RNF186: variants seen among roughly 807,000 people sequenced by gnomAD.
The protein encoded by RNF186 is ring finger protein 186, also known as E3 ubiquitin-protein ligase RNF186.
For missense variants in RNF186, 298 were observed against 298.5 expected, an observed-to-expected ratio of 1.00 and a Z score of 0.01; for synonymous variants, 152 against 133.5, an observed-to-expected ratio of 1.14 and a Z score of -0.96.
In RNF186 at chr1:19,815,063, G is replaced by A. The variant is rs147586351; in HGVS notation, c.39C>T (p.Ile13=). The A allele has an allele frequency of 1.9e-6, 3 of 1,613,966 alleles. No individual in the cohort carries two copies. The highest frequency in any genetic ancestry group is 2.2e-5 in the South Asian group (2 of 91,080). ...CTKTLQQSQP[I]SAGATTTTTA... ...TGGTGGTTGTGGTGGCTCCTGCGGA[G>A]ATGGGCTGGGACTGTTGCAGGGTCT... Residue 13 remains isoleucine, a synonymous_variant, in exon 1 of 1, where the codon ATC becomes ATT. Coordinates refer to ENST00000375121, the MANE Select transcript of RNF186 (RefSeq NM_019062.2).
chr1:19,814,349 C>G lies in RNF186; in HGVS notation c.*69G>C. The G allele has an allele frequency of 1.4e-6, 2 of 1,430,534 alleles. No individual in the cohort carries two copies. Among genetic ancestry groups the G allele is most frequent in the Non-Finnish European group, 1.9e-6 (2 of 1,041,538 alleles). The allele number at this position is 1,430,534 out of a possible 1,614,324, so 88.6% of individuals were successfully genotyped here. On this transcript the variant is annotated 3_prime_UTR_variant, in exon 1 of 1. Transcript: ENST00000375121. This position sits in a 1 kb window ranked among gnomAD's most constrained non-coding sequence, Gnocchi z 4.7. Reference sequence around the variant, plus strand: ...CAGTCTTAGTCCGTAACCCCTTACCCTGTTCATTGTGGAAGTCCGGGGGCC... The same window carrying G: ...CAGTCTTAGTCCGTAACCCCTTACCGTGTTCATTGTGGAAGTCCGGGGGCC...
At position 19,815,169 on chromosome 1, in the gene RNF186, C is replaced by T. The variant is rs886090995; in HGVS notation, c.-68G>A. On this transcript the variant is annotated 5_prime_UTR_variant, in exon 1 of 1. Transcript: ENST00000375121. ...GGCATTGGCAGAGAGTGTCAGCTGG[C>T]GCCGCTGGGACTTGGATGGAATCTG... The T allele has an allele frequency of 1.6e-4, 221 of 1,421,684 alleles. No homozygotes were observed. The highest frequency in any genetic ancestry group is 4.9e-4 in the African/African-American group (35 of 71,086). 88.1% of individuals were successfully genotyped at this position (1,421,684 alleles called of 1,614,324 possible).
chr1:19,814,401 G>C lies in RNF186; in HGVS notation c.*17C>G. Reference sequence around the variant, plus strand: ...AAGGGCAGAAAGGGCTGCAGGGATAGCCTCATCAGAGGGCACTCAGGCAAT... The same window carrying C: ...AAGGGCAGAAAGGGCTGCAGGGATACCCTCATCAGAGGGCACTCAGGCAAT... On this transcript the variant is annotated 3_prime_UTR_variant, in exon 1 of 1. Transcript: ENST00000375121. This position sits in a 1 kb window ranked among gnomAD's most constrained non-coding sequence, Gnocchi z 4.7. 1 of 1,609,296 alleles carries C rather than the reference G, an allele frequency of 6.2e-7. No homozygotes were observed. Among genetic ancestry groups the C allele is most frequent in the East Asian group, 2.2e-5 (1 of 44,822 alleles).
In RNF186 at chr1:19,814,243, C is replaced by T. The variant is rs925905663; in HGVS notation, c.*175G>A. ...CAAGGGCAAGTGCAAGCCTGTCATCCAAGCGTGTAATTCTTGACCCAGGCT... is the reference window on the plus strand; with the variant it reads ...CAAGGGCAAGTGCAAGCCTGTCATCTAAGCGTGTAATTCTTGACCCAGGCT... On this transcript the variant is annotated 3_prime_UTR_variant, in exon 1 of 1. Coordinates refer to ENST00000375121, the MANE Select transcript of RNF186 (RefSeq NM_019062.2). The surrounding 1 kb of genome is among the most constrained non-coding windows in gnomAD (Gnocchi z 4.7). 6 of 624,758 alleles carry T rather than the reference C, an allele frequency of 9.6e-6. No individual in the cohort carries two copies. Among genetic ancestry groups the T allele is most frequent in the Admixed American group, 3.0e-5 (1 of 33,730 alleles). 38.7% of individuals were successfully genotyped at this position (624,758 alleles called of 1,614,324 possible).
Position 19,814,641 on chromosome 1 carries a change from C to A in RNF186, c.461G>T (p.Arg154Leu). The change falls in exon 1 of 1, where the codon CGC becomes CTC. Residue 154 changes from arginine to leucine, a missense_variant. Arg to Leu is a moderately radical substitution (Grantham distance 102). Coordinates refer to ENST00000375121, the MANE Select transcript of RNF186 (RefSeq NM_019062.2). The surrounding 1 kb of genome is among the most constrained non-coding windows in gnomAD (Gnocchi z 4.7). ...EVSANHVAAR[R>L]LAAHLLLLAL... ...CAGCAGGAGTAGGTGCGCGGCCAGG[C>A]GCCGGGCTGCCACGTGGTTTGCACT... 1 of 1,614,184 alleles carries A rather than the reference C, an allele frequency of 6.2e-7. No homozygotes were observed. The highest frequency in any genetic ancestry group is 1.3e-5 in the African/African-American group (1 of 75,052).
chr1:19,815,258 G>T lies in RNF186; in HGVS notation c.-157C>A. The T allele has an allele frequency of 1.6e-6, 1 of 635,984 alleles. No homozygotes were observed. The highest frequency in any genetic ancestry group is 2.8e-6 in the Non-Finnish European group (1 of 356,860). The allele number at this position is 635,984 out of a possible 1,614,324, so 39.4% of individuals were successfully genotyped here. A position where few individuals can be genotyped will look rare whatever the true frequency, so the allele number is the denominator to read the frequency against. On this transcript the variant is annotated 5_prime_UTR_variant, in exon 1 of 1. In the 5' UTR this introduces an upstream ATG that the reference lacks. Coordinates refer to ENST00000375121, the MANE Select transcript of RNF186 (RefSeq NM_019062.2). ...AGCTGTCTGACACTCCTCTCTCCCA[G>T]AGCTGCCCAGCTTGTTTCTTGGCTT...
Position 19,814,668 on chromosome 1 carries a change from A to G in RNF186, c.434T>C (p.Val145Ala), listed in dbSNP as rs1301472899. Residue 145 changes from valine to alanine, a missense_variant, in exon 1 of 1, where the codon GTA (valine) becomes GCA (alanine). Transcript: ENST00000375121. The surrounding 1 kb of genome is among the most constrained non-coding windows in gnomAD (Gnocchi z 4.7). ...CCGGGCTGCCACGTGGTTTGCACTT[A>G]CTTCATCCTGTCCATCCTCTCCCAC... ...SLVGEDGQDEVSANHVAARRL... is the reference protein window; with the variant it reads ...SLVGEDGQDEASANHVAARRL... 6.2e-7 allele frequency: 1 copy of G among 1,614,024 alleles called. No homozygotes were observed. Among genetic ancestry groups the G allele is most frequent in the African/African-American group, 1.3e-5 (1 of 74,918 alleles).
In RNF186 at chr1:19,814,802, G is replaced by T. The variant is rs201262383; in HGVS notation, c.300C>A (p.Arg100=). The change falls in exon 1 of 1, where the codon CGC becomes CGA. Residue 100 remains arginine, a synonymous_variant. Coordinates refer to ENST00000375121, the MANE Select transcript of RNF186 (RefSeq NM_019062.2). The surrounding 1 kb of genome is among the most constrained non-coding windows in gnomAD (Gnocchi z 4.7). ...AVPGGLICSL[R]DHEAVVGQLA... Reference sequence around the variant, plus strand: ...GCTGCCCCACCACCGCCTCATGGTCGCGCAGGCTGCAGATGAGGCCCCCGG... The same window carrying T: ...GCTGCCCCACCACCGCCTCATGGTCTCGCAGGCTGCAGATGAGGCCCCCGG... 1.5e-5 allele frequency: 25 copies of T among 1,613,848 alleles called. No individual in the cohort carries two copies. Among genetic ancestry groups the T allele is most frequent in the Non-Finnish European group, 1.9e-5 (22 of 1,180,024 alleles).
At position 19,814,098 on chromosome 1, in the gene RNF186, G is replaced by C. The variant is rs1557653333; in HGVS notation, c.*320C>G. ...ATCAATACTGCAATACTTTCATCAA[G>C]TTATATAAAGAAAAACCAAGAACAT... On this transcript the variant is annotated 3_prime_UTR_variant, in exon 1 of 1. Transcript: ENST00000375121. This position sits in a 1 kb window ranked among gnomAD's most constrained non-coding sequence, Gnocchi z 4.7. 3.4e-6 allele frequency: 1 copy of C among 298,496 alleles called. No homozygotes were observed. The highest frequency in any genetic ancestry group is 4.7e-5 in the Admixed American group (1 of 21,426). The allele number at this position is 298,496 out of a possible 1,614,324, so 18.5% of individuals were successfully genotyped here.
chr1:19,814,973 G>A lies in RNF186; in HGVS notation c.129C>T (p.Cys43=). 1.2e-6 allele frequency: 2 copies of A among 1,613,962 alleles called. No individual in the cohort carries two copies. The highest frequency in any genetic ancestry group is 1.7e-6 in the Non-Finnish European group (2 of 1,180,034). ...ACCGGGGACAGCTGTAGGGCTCCCG[G>A]CACACCAGACACTCCAGGTCACATT... The part of the protein sequence containing the change: ...STECDLECLV[C]REPYSCPRLP... Residue 43 remains cysteine, a synonymous_variant, in exon 1 of 1, where the codon TGC becomes TGT. Coordinates refer to ENST00000375121, the MANE Select transcript of RNF186 (RefSeq NM_019062.2). The surrounding 1 kb of genome is among the most constrained non-coding windows in gnomAD (Gnocchi z 4.7).
chr1:19,814,717 A>C lies in RNF186; in HGVS notation c.385T>G (p.Leu129Val), dbSNP rs1341423626. The C allele has an allele frequency of 3.1e-6, 5 of 1,614,016 alleles. No individual in the cohort carries two copies. Among genetic ancestry groups the C allele is most frequent in the Non-Finnish European group, 8.5e-7 (1 of 1,180,014 alleles). Reference protein sequence around the residue: ...CPQGLVDPADLAAGHPSLVGE... With the variant: ...CPQGLVDPADVAAGHPSLVGE... ...ACCAAGCTGGGGTGTCCTGCTGCCA[A>C]GTCAGCAGGATCCACCAGCCCCTGA... is the stretch of plus-strand genomic sequence containing the variant. The change falls in exon 1 of 1, where the codon TTG becomes GTG. Residue 129 changes from leucine to valine, a missense_variant. Transcript: ENST00000375121. The surrounding 1 kb of genome is among the most constrained non-coding windows in gnomAD (Gnocchi z 4.7).
chr1:19,814,280 T>C lies in RNF186; in HGVS notation c.*138A>G. On this transcript the variant is annotated 3_prime_UTR_variant, in exon 1 of 1. Transcript: ENST00000375121. The surrounding 1 kb of genome is among the most constrained non-coding windows in gnomAD (Gnocchi z 4.7). ...TCTTGACCCAGGCTGGCCATCTCGGTTGTGGCTTGCAAGTCCCGCTGGCAT... is the reference window on the plus strand; with the variant it reads ...TCTTGACCCAGGCTGGCCATCTCGGCTGTGGCTTGCAAGTCCCGCTGGCAT... 1.3e-6 allele frequency: 1 copy of C among 786,024 alleles called. No homozygotes were observed. The highest frequency in any genetic ancestry group is 2.0e-6 in the Non-Finnish European group (1 of 497,884). The allele number at this position is 786,024 out of a possible 1,614,324, so 48.7% of individuals were successfully genotyped here. A position where few individuals can be genotyped will look rare whatever the true frequency, so the allele number is the denominator to read the frequency against.
chr1:19,814,375 C>T lies in RNF186; in HGVS notation c.*43G>A, dbSNP rs763372653. On this transcript the variant is annotated 3_prime_UTR_variant, in exon 1 of 1. Coordinates refer to ENST00000375121, the MANE Select transcript of RNF186 (RefSeq NM_019062.2). This position sits in a 1 kb window ranked among gnomAD's most constrained non-coding sequence, Gnocchi z 4.7. ...TGTTCATTGTGGAAGTCCGGGGGCC[C>T]AAGGGCAGAAAGGGCTGCAGGGATA... 1.3e-6 allele frequency: 2 copies of T among 1,573,934 alleles called. No individual in the cohort carries two copies. The highest frequency in any genetic ancestry group is 1.7e-6 in the Non-Finnish European group (2 of 1,154,184).
chr1:19,814,556 G>A lies in RNF186; in HGVS notation c.546C>T (p.Leu182=). Residue 182 remains leucine, a synonymous_variant, in exon 1 of 1, where the codon CTC becomes CTT. Coordinates refer to ENST00000375121, the MANE Select transcript of RNF186 (RefSeq NM_019062.2). The surrounding 1 kb of genome is among the most constrained non-coding windows in gnomAD (Gnocchi z 4.7). The stretch of plus-strand genomic sequence containing the variant: ...GCAGGGCCAGGGCGATGATGAAGGT[G>A]AGCACCCATCGTAAGACACCCGGGT... ...FIYPGVLRWV[L]TFIIALALLM... is the part of the protein sequence containing the mutation. The A allele has an allele frequency of 1.2e-6, 2 of 1,614,206 alleles. No homozygotes were observed. Among genetic ancestry groups the A allele is most frequent in the South Asian group, 1.1e-5 (1 of 91,080 alleles).
At position 19,815,280 on chromosome 1, in the gene RNF186, G is replaced by A. The variant is rs990934923; in HGVS notation, c.-179C>T. The A allele has an allele frequency of 2.3e-5, 14 of 615,334 alleles. 1 individual carries two copies. The Admixed American group carries it at 4.1e-4, about 18-fold the overall frequency. 38.1% of individuals were successfully genotyped at this position (615,334 alleles called of 1,614,324 possible). A position where few individuals can be genotyped will look rare whatever the true frequency, so the allele number is the denominator to read the frequency against. On this transcript the variant is annotated 5_prime_UTR_variant, in exon 1 of 1. Coordinates refer to ENST00000375121, the MANE Select transcript of RNF186 (RefSeq NM_019062.2). ...CCAGAGCTGCCCAGCTTGTTTCTTG[G>A]CTTACGTCGTCCCTTCAGTTATTAT...
In RNF186 at chr1:19,814,106, A is replaced by G; in HGVS notation, c.*312T>C. On this transcript the variant is annotated 3_prime_UTR_variant, in exon 1 of 1. Transcript: ENST00000375121. The surrounding 1 kb of genome is among the most constrained non-coding windows in gnomAD (Gnocchi z 4.7). ...TGCAATACTTTCATCAAGTTATATA[A>G]AGAAAAACCAAGAACATTGGAATAA... is the stretch of plus-strand genomic sequence containing the variant. The G allele has an allele frequency of 3.2e-6, 1 of 316,866 alleles. No individual in the cohort carries two copies. Among genetic ancestry groups the G allele is most frequent in the Non-Finnish European group, 5.8e-6 (1 of 172,606 alleles). The allele number at this position is 316,866 out of a possible 1,614,324, so 19.6% of individuals were successfully genotyped here.
Position 19,814,273 on chromosome 1 carries a change from A to G in RNF186, c.*145T>C, listed in dbSNP as rs1157596307. On this transcript the variant is annotated 3_prime_UTR_variant, in exon 1 of 1. Coordinates refer to ENST00000375121, the MANE Select transcript of RNF186 (RefSeq NM_019062.2). The surrounding 1 kb of genome is among the most constrained non-coding windows in gnomAD (Gnocchi z 4.7). ...GTGTAATTCTTGACCCAGGCTGGCC[A>G]TCTCGGTTGTGGCTTGCAAGTCCCG... 6 of 736,966 alleles carry G rather than the reference A, an allele frequency of 8.1e-6. No homozygotes were observed. Among genetic ancestry groups the G allele is most frequent in the African/African-American group, 5.3e-5 (3 of 56,102 alleles). 45.7% of individuals were successfully genotyped at this position (736,966 alleles called of 1,614,324 possible).
rs2044697713 is a variant in RNF186, at chr1:19,814,398, A to G, written c.*20T>C. On this transcript the variant is annotated 3_prime_UTR_variant, in exon 1 of 1. Coordinates refer to ENST00000375121, the MANE Select transcript of RNF186 (RefSeq NM_019062.2). The surrounding 1 kb of genome is among the most constrained non-coding windows in gnomAD (Gnocchi z 4.7). ...CCCAAGGGCAGAAAGGGCTGCAGGGATAGCCTCATCAGAGGGCACTCAGGC... is the reference window on the plus strand; with the variant it reads ...CCCAAGGGCAGAAAGGGCTGCAGGGGTAGCCTCATCAGAGGGCACTCAGGC... 1.9e-6 allele frequency: 3 copies of G among 1,608,388 alleles called. No homozygotes were observed. Among genetic ancestry groups the G allele is most frequent in the Non-Finnish European group, 2.6e-6 (3 of 1,176,432 alleles).
Position 19,815,009 on chromosome 1 carries a change from A to G in RNF186, c.93T>C (p.Ser31=), listed in dbSNP as rs964224247. The change falls in exon 1 of 1, where the codon TCT becomes TCC. Residue 31 remains serine (S), a synonymous_variant. Transcript: ENST00000375121. ...ACTCCAGGTCACATTCTGTGGAGCC[A>G]GAATGACCCCCAGCAGGGGCCACAG... is the stretch of plus-strand genomic sequence containing the variant. ...TTAVAPAGGH[S]GSTECDLECL... 6.2e-7 allele frequency: 1 copy of G among 1,613,994 alleles called. No homozygotes were observed. Among genetic ancestry groups the G allele is most frequent in the Non-Finnish European group, 8.5e-7 (1 of 1,180,040 alleles).
Sources: allele counts gnomAD v4.1 joint callset, GRCh38; gene constraint gnomAD v4.1.1; non-coding constraint Gnocchi (gnomAD v3.1); transcripts MANE v1.5; gene names NCBI Gene and HGNC (gene_info 2026-07-23, HGNC 2026-07-21).